Variants in FRMD1 observed in about 807,000 individuals in gnomAD.
The protein encoded by FRMD1 is FERM domain-containing protein 1.
FRMD1 carries 51 observed loss-of-function variants against 54.9 expected under a neutral mutation model. The ratio of observed to expected loss-of-function variants is 0.93; its 90% CI spans 0.74 to 1.17. The LOEUF (loss-of-function observed/expected upper bound fraction) is 1.17, where lower values mean the gene tolerates loss of function less well. FRMD1 is among the 50% of genes most tolerant of loss of function. The probability of loss-of-function intolerance (pLI) is 0.00; values close to 1 mark genes in which losing one functional copy is unlikely to be tolerated. For synonymous variants in FRMD1, 324 were observed against 306.4 expected, an observed-to-expected ratio of 1.06 and a Z score of -0.60; for missense variants, 729 against 743.0, an observed-to-expected ratio of 0.98 and a Z score of 0.22.
chr6:168,086,250 C>T (rs538431324), upstream of FRMD1, among the ~76,000 whole-genome samples: 11 of 146,722 alleles, frequency 7.5e-5, no homozygotes, highest in East Asian at 3.9e-4. Flanking sequence ...TGTGGACACC[C>T]GCGTCCCCAG....
At chr6:168,063,038 G>T in intron 6 of FRMD1, 79 bp from the exon 7 acceptor site, 2 of 1,238,760 alleles carry the variant, frequency 1.6e-6, no homozygotes, top group Non-Finnish European at 2.4e-6. Context: ...GGTCAGTCTG[G>T]CTAGGGGCCG....
chr6:168,061,151 C>T, intron 8 of FRMD1, 94 bp from the exon 9 acceptor site: 3 of 1,270,744 alleles, frequency 2.4e-6, no homozygotes. Context: ...AATGCACACC[C>T]ACAGCCCAGA....
In FRMD1 at chr6:168,059,552, G is replaced by T. The variant is rs763250654; in HGVS notation, c.1343-364C>A. ...GAATGCCTGGCCCTGGGAGGCCCTA[G>T]GTGATGTTTTGTGACCCTGGATGGC... On this transcript the variant is annotated intron_variant, in intron 9 of 10. Transcript: ENST00000283309. The surrounding 1 kb of genome is among the most constrained non-coding windows in gnomAD (Gnocchi z 4.4). Among the ~76,000 whole-genome samples the T allele has an allele frequency of 1.3e-5, 2 of 152,162 alleles. No homozygotes were observed. The highest frequency in any genetic ancestry group is 2.4e-5 in the African/African-American group (1 of 41,434).
intron 9 of FRMD1, among the ~76,000 whole-genome samples, chr6:168,060,363 A>C (rs1799657177): frequency 1.7e-5 from 1 of 59,076 alleles, no homozygotes; most frequent in African/African-American, 7.0e-5. Flanking sequence ...GGTTCTTCCT[A>C]GGAGTTGGGG....
chr6:168,087,382 T>C (rs1800939304), intron 1 of FRMD1, among the ~76,000 whole-genome samples: 1 of 152,244 alleles, frequency 6.6e-6, no homozygotes, highest in Non-Finnish European at 1.5e-5. Flanking sequence ...TTCACCTTTT[T>C]ATGTGAGAAA....
Position 168,063,775 on chromosome 6 carries a change from G to A in FRMD1, c.649-19C>T. ...TGATGATCTGAGGACAGAGCCGGGA[G>A]GTCAGCTCAGACCCCTGCTGGTCCC... On this transcript the variant is annotated intron_variant, in intron 5 of 10. Transcript: ENST00000283309. 1.2e-6 allele frequency: 2 copies of A among 1,601,182 alleles called. No individual in the cohort carries two copies. The highest frequency in any genetic ancestry group is 1.7e-6 in the Non-Finnish European group (2 of 1,173,408).
At chr6:168,084,726 G>A (rs936846200), upstream of FRMD1, among the ~76,000 whole-genome samples, 2 of 152,232 alleles carry the variant, frequency 1.3e-5, no homozygotes. Context: ...AATTTTGTAG[G>A]GAAAAAGCCC....
rs1037471708 is a variant in FRMD1, at chr6:168,054,112, C to T, written c.*2985G>A. The T allele has an allele frequency of 1.6e-4, 25 of 152,458 alleles. No individual in the cohort carries two copies. Among genetic ancestry groups the T allele is most frequent in the African/African-American group, 5.8e-4 (24 of 41,466 alleles). 9.4% of individuals were successfully genotyped at this position (152,458 alleles called of 1,614,324 possible). A position where few individuals can be genotyped will look rare whatever the true frequency, so the allele number is the denominator to read the frequency against. On this transcript the variant is annotated 3_prime_UTR_variant, in exon 11 of 11. Coordinates refer to ENST00000283309, the MANE Select transcript of FRMD1 (RefSeq NM_024919.6). The stretch of plus-strand genomic sequence containing the variant: ...CCTGTCACCACTCCAGACCAACTGC[C>T]CCCAGGAGCAGGGTCTGCCGCCTCC...
chr6:168,060,840 G>A lies in FRMD1; in HGVS notation c.1263C>T (p.Val421=), dbSNP rs1298507321. The A allele has an allele frequency of 6.2e-7, 1 of 1,613,624 alleles. No individual in the cohort carries two copies. Among genetic ancestry groups the A allele is most frequent in the Admixed American group, 1.7e-5 (1 of 60,028 alleles). ...REMSVDVPLE[V]HGLHEKEPSS... ...ACGGCTCCTTCTCATGGAGCCCGTG[G>A]ACCTCCAAGGGCACGTCCACAGACA... The change falls in exon 9 of 11, where the codon GTC becomes GTT. Residue 421 remains valine, a synonymous_variant. Transcript: ENST00000283309.
chr6:168,085,663 C>T (rs560133342), upstream of FRMD1, among the ~76,000 whole-genome samples: 447 of 152,188 alleles, frequency 2.9e-3, no homozygotes, highest in Non-Finnish European at 4.0e-3. Context: ...GCATGGCCAC[C>T]GTGAGAACTG....
intron 4 of FRMD1, chr6:168,066,408 G>C (rs1175648583): frequency 2.0e-6 from 1 of 507,064 alleles, no homozygotes; most frequent in African/African-American, 2.1e-5. Context: ...TAAGGCAGAA[G>C]AATCGCTTGA....
At chr6:168,082,687 C>T (rs1187409828), upstream of FRMD1, among the ~76,000 whole-genome samples, 2 of 152,278 alleles carry the variant, frequency 1.3e-5, no homozygotes, top group Admixed American at 6.5e-5. Context: ...AGCTCCTCCC[C>T]GAATCTACTG....
chr6:168,081,309 C>CAG, upstream of FRMD1: 1 of 1,473,892 alleles, frequency 6.8e-7, no homozygotes, highest in African/African-American at 1.4e-5. Flanking sequence ...CCTGAGAAGG[C>CAG]AGAGGCGTGA....
chr6:168,074,584 G>A (rs1298711683), intron 2 of FRMD1, among the ~76,000 whole-genome samples: 7 of 151,904 alleles, frequency 4.6e-5, no homozygotes, highest in African/African-American at 1.7e-4. Context: ...ATGTGTACAT[G>A]TGAGTGGTGT....
chr6:168,078,974 C>G lies in FRMD1; in HGVS notation c.121G>C (p.Glu41Gln). Residue 41 changes from glutamate (E) to glutamine (Q), a missense_variant, in exon 1 of 11, where the codon GAG becomes CAG. Coordinates refer to ENST00000283309, the MANE Select transcript of FRMD1 (RefSeq NM_024919.6). ...SPERPACSQQ[E>Q]PTLGMDAMAS... is the part of the protein sequence containing the mutation. ...ATCGCGTCCATTCCCAGGGTCGGCT[C>G]CTGCTGACTGCATGCAGGCCTCTCA... is the stretch of plus-strand genomic sequence containing the variant. The G allele has an allele frequency of 1.2e-6, 2 of 1,612,086 alleles. No homozygotes were observed. The highest frequency in any genetic ancestry group is 1.7e-6 in the Non-Finnish European group (2 of 1,179,942).
chr6:168,067,503 C>T (rs749110668), intron 2 of FRMD1, 57 bp from the exon 3 acceptor site: 7 of 1,131,776 alleles, frequency 6.2e-6, no homozygotes, highest in African/African-American at 1.5e-5. Flanking sequence ...CAGGTGTCAC[C>T]GTGTGTTCAA....
intron 1 of FRMD1, among the ~76,000 whole-genome samples, chr6:168,078,382 C>T (rs1318321099): frequency 1.3e-5 from 2 of 152,260 alleles, no homozygotes; most frequent in East Asian, 1.9e-4. Flanking sequence ...CTCACAGCAA[C>T]GTCTATCAGG....
rs546803508 is a variant in FRMD1, at chr6:168,063,579, C to T, written c.804+22G>A. 2.7e-5 allele frequency: 43 copies of T among 1,593,504 alleles called. No individual in the cohort carries two copies. The East Asian group carries it at 3.1e-4, about 12-fold the overall frequency. ...GGCCTGGAGTCAGAGTCCAGCCCATCGCTGGCCGCCCTGGGCTCGACCTTG... is the reference window on the plus strand; with the variant it reads ...GGCCTGGAGTCAGAGTCCAGCCCATTGCTGGCCGCCCTGGGCTCGACCTTG... On this transcript the variant is annotated intron_variant, in intron 6 of 10. Coordinates refer to ENST00000283309, the MANE Select transcript of FRMD1 (RefSeq NM_024919.6).
intron 8 of FRMD1, 76 bp downstream of exon 8, chr6:168,061,731 C>A (rs1025427190): frequency 2.3e-5 from 32 of 1,414,062 alleles, no homozygotes; most frequent in Non-Finnish European, 2.8e-5. Context: ...ATAGTCCGGC[C>A]AGAGCCCAGT....
Sources: allele counts gnomAD v4.1 joint callset (sites outside exome capture counted in the v4.1 genomes callset), GRCh38; gene constraint gnomAD v4.1.1; non-coding constraint Gnocchi (gnomAD v3.1); transcripts MANE v1.5; gene names NCBI Gene and HGNC (gene_info 2026-07-23, HGNC 2026-07-21).